CELF2: variants seen among roughly 807,000 people sequenced by gnomAD.
The protein encoded by CELF2 is CUGBP Elav-like family member 2.
In CELF2, 8 loss-of-function variants were observed where a neutral mutation model predicts 62.6. The observed-to-expected ratio is 0.13, with a 90% CI of 0.07 to 0.23. The LOEUF (loss-of-function observed/expected upper bound fraction) is 0.23. Ranked by LOEUF, CELF2 falls within the 10% of genes least tolerant of loss-of-function variation. The probability of loss-of-function intolerance (pLI) is 1.00; values close to 1 mark genes in which losing one functional copy is unlikely to be tolerated. For synonymous variants in CELF2, 258 were observed against 250.0 expected (o/e 1.03, Z -0.30); for missense variants, 333 against 671.0 (o/e 0.50, Z 5.56).
At chr10:10,917,398 G>C (rs575927796) in intron 1 of CELF2, among the ~76,000 whole-genome samples, 2 of 152,278 alleles carry the variant, frequency 1.3e-5, no homozygotes, top group East Asian at 3.9e-4. Context: ...GGACTGGTGT[G>C]GCACAATCAT....
At chr10:10,568,374 T>C in the CELF2 span, among the ~76,000 whole-genome samples, 1 of 152,154 alleles carries the variant, frequency 6.6e-6, no homozygotes, top group African/African-American at 2.4e-5. Context: ...CTGCCTACAA[T>C]TGGAGGAAGC....
intron 9 of CELF2, among the ~76,000 whole-genome samples, chr10:11,294,273 C>T (rs1231169369): frequency 6.6e-6 from 1 of 152,160 alleles, no homozygotes; most frequent in Non-Finnish European, 1.5e-5. Flanking sequence ...CCAGAAAGTG[C>T]CCATTAGCTC....
At chr10:11,071,068 A>G (rs1241547048) in intron 1 of CELF2, among the ~76,000 whole-genome samples, 1 of 152,246 alleles carries the variant, frequency 6.6e-6, no homozygotes, top group Non-Finnish European at 1.5e-5. Context: ...AGATAAATAC[A>G]GCAGTGATCC....
chr10:11,074,972 A>G (rs952840089), intron 1 of CELF2: 1 of 152,228 alleles, frequency 6.6e-6, no homozygotes, highest in Admixed American at 6.5e-5. Flanking sequence ...ATATTTTCTC[A>G]TAGAACTGGT....
chr10:10,854,611 C>G (rs898551843), intron 1 of CELF2, among the ~76,000 whole-genome samples: 1 of 152,012 alleles, frequency 6.6e-6, no homozygotes, highest in African/African-American at 2.4e-5. Flanking sequence ...TCAAAACCCA[C>G]AGCATTCCCC....
the CELF2 span, among the ~76,000 whole-genome samples, chr10:10,569,230 G>T: frequency 2.0e-5 from 3 of 152,116 alleles, no homozygotes; most frequent in African/African-American, 7.2e-5. Flanking sequence ...GACGTTTAAT[G>T]GACTCACAGT....
At chr10:11,235,198 G>A (rs922399346) in intron 3 of CELF2, among the ~76,000 whole-genome samples, 3 of 152,116 alleles carry the variant, frequency 2.0e-5, no homozygotes, top group East Asian at 1.9e-4. Flanking sequence ...GGCAAGCTTC[G>A]CAAGTCCCCA....
At chr10:10,628,314 C>G in the CELF2 span, among the ~76,000 whole-genome samples, 3 of 152,132 alleles carry the variant, frequency 2.0e-5, no homozygotes, top group Non-Finnish European at 4.4e-5. Flanking sequence ...TATTATCATA[C>G]AAACTAAGCT....
At position 10,997,117 on chromosome 10, in the gene CELF2, T is replaced by A. The variant is rs1403805738; in HGVS notation, c.89+77118T>A. 2.0e-5 allele frequency among the ~76,000 whole-genome samples: 3 copies of A among 152,176 alleles called. No homozygotes were observed. The highest frequency in any genetic ancestry group is 7.2e-5 in the African/African-American group (3 of 41,442). Reference sequence around the variant, plus strand: ...GCTGCCTGGCAACATGGAATAGTGATGCCCATCCCTTCCACGTACTGCATG... The same window carrying A: ...GCTGCCTGGCAACATGGAATAGTGAAGCCCATCCCTTCCACGTACTGCATG... On this transcript the variant is annotated intron_variant, in intron 2 of 13. Transcript: ENST00000636488. This position sits in a 1 kb window ranked among gnomAD's most constrained non-coding sequence, Gnocchi z 5.3.
chr10:11,056,374 C>T (rs1391580090), intron 1 of CELF2, among the ~76,000 whole-genome samples: 1 of 152,144 alleles, frequency 6.6e-6, no homozygotes, highest in Admixed American at 6.5e-5. Context: ...GAATAGGTGC[C>T]TAATAGCTTG....
chr10:10,773,535 A>G, the CELF2 span, among the ~76,000 whole-genome samples: 1 of 152,224 alleles, frequency 6.6e-6, no homozygotes, highest in Non-Finnish European at 1.5e-5. Context: ...AGCCACTGGA[A>G]AAAAATATAA....
At chr10:11,210,614 G>T (rs2061561862) in intron 2 of CELF2, among the ~76,000 whole-genome samples, 1 of 152,168 alleles carries the variant, frequency 6.6e-6, no homozygotes, top group Admixed American at 6.5e-5. Context: ...TTTCCAGAAA[G>T]GTCCCTCCTG....
At chr10:10,489,898 G>C in the CELF2 span, among the ~76,000 whole-genome samples, 1 of 152,018 alleles carries the variant, frequency 6.6e-6, no homozygotes, top group East Asian at 1.9e-4. Context: ...TGTGAGTACA[G>C]GTTTGGGGGG....
intron 1 of CELF2, among the ~76,000 whole-genome samples, chr10:10,883,797 A>G (rs1329387857): frequency 2.0e-5 from 3 of 152,276 alleles, no homozygotes; most frequent in African/African-American, 7.2e-5. Context: ...GCAATTTCAT[A>G]TGGTTTTGCC....
the CELF2 span, among the ~76,000 whole-genome samples, chr10:10,754,777 T>G: frequency 6.6e-6 from 1 of 152,222 alleles, no homozygotes; most frequent in Non-Finnish European, 1.5e-5. Flanking sequence ...CTACGTGTTC[T>G]CTGAAGCCCA....
At chr10:10,628,907 G>A in the CELF2 span, among the ~76,000 whole-genome samples, 2 of 152,084 alleles carry the variant, frequency 1.3e-5, no homozygotes, top group South Asian at 2.1e-4. Context: ...TCAATTTGTG[G>A]CTAGAAAGAA....
At chr10:10,871,062 G>T (rs1221452708) in intron 1 of CELF2, among the ~76,000 whole-genome samples, 2 of 151,968 alleles carry the variant, frequency 1.3e-5, no homozygotes, top group Non-Finnish European at 2.9e-5. Flanking sequence ...ACACAGTCAA[G>T]ATGCAGATTT....
rs2049068812 is a variant in CELF2, at chr10:10,957,865, G to A, written c.89+37866G>A. Among the ~76,000 whole-genome samples, 1 of 152,196 alleles carries A rather than the reference G, an allele frequency of 6.6e-6. No individual in the cohort carries two copies. The highest frequency in any genetic ancestry group is 1.5e-5 in the Non-Finnish European group (1 of 68,034). ...TCTTCTTCTCACCATCCCATGGTGAGATGATATGAAACTAAGCACTTGAAT... is the reference window on the plus strand; with the variant it reads ...TCTTCTTCTCACCATCCCATGGTGAAATGATATGAAACTAAGCACTTGAAT... On this transcript the variant is annotated intron_variant, in intron 2 of 13. Transcript: ENST00000636488. The surrounding 1 kb of genome is among the most constrained non-coding windows in gnomAD (Gnocchi z 4.1).
chr10:11,325,636 G>A (rs536077964), intron 11 of CELF2, among the ~76,000 whole-genome samples, 200 bp from the exon 12 acceptor site: 7 of 152,344 alleles, frequency 4.6e-5, no homozygotes, highest in African/African-American at 7.2e-5. Flanking sequence ...GAAGCCATTC[G>A]TAACCAGCAT....
Sources: allele counts gnomAD v4.1 joint callset (sites outside exome capture counted in the v4.1 genomes callset), GRCh38; gene constraint gnomAD v4.1.1; non-coding constraint Gnocchi (gnomAD v3.1); transcripts MANE v1.5; gene names NCBI Gene and HGNC (gene_info 2026-07-23, HGNC 2026-07-21).